FLNB: variants seen among roughly 807,000 people sequenced by gnomAD.
FLNB encodes filamin B.
In FLNB, 111 loss-of-function variants were observed where a neutral mutation model predicts 250.6. The observed-to-expected ratio is 0.44, with a 90% CI of 0.38 to 0.52. The LOEUF (loss-of-function observed/expected upper bound fraction) is 0.52, where lower values mean the gene tolerates loss of function less well. Among genes scored for constraint, FLNB ranks in the 20% least tolerant of loss-of-function variants. The pLI is 0.00. For synonymous variants in FLNB, 1,302 were observed against 1,372.1 expected, an observed-to-expected ratio of 0.95 and a Z score of 1.13; for missense variants, 2,869 against 3,447.8, an observed-to-expected ratio of 0.83 and a Z score of 4.20.
intron 5 of FLNB, 134 bp downstream of exon 5, chr3:58,095,088 G>A: frequency 1.3e-6 from 1 of 764,818 alleles, no homozygotes; most frequent in Non-Finnish European, 2.4e-6. Flanking sequence ...AGGATACTGA[G>A]GCTTATAGCT....
chr3:58,017,329 C>T (rs1214438544), intron 1 of FLNB, among the ~76,000 whole-genome samples: 1 of 152,224 alleles, frequency 6.6e-6, no homozygotes, highest in East Asian at 1.9e-4. Context: ...CAGCTCACTG[C>T]AACCTCCGCC....
rs996161850 is a variant in FLNB at position 58,110,308 on chromosome 3, G to A, written c.2484+138G>A. On this transcript the variant is annotated intron_variant, in intron 16 of 45. Transcript: ENST00000295956. ...GATGGAGTCTCACTCTTTCACCCAA[G>A]CTAGAGTGCAGTGGTGTGATCTTGG... The A allele has an allele frequency of 2.9e-5, 27 of 916,700 alleles. 1 individual carries two copies. In the East Asian group the frequency reaches 6.9e-4, roughly 23 times the overall value. 56.8% of individuals were successfully genotyped at this position (916,700 alleles called of 1,614,324 possible). A position where few individuals can be genotyped will look rare whatever the true frequency, so the allele number is the denominator to read the frequency against.
At chr3:58,112,636 T>C (rs2097270807) in intron 18 of FLNB, among the ~76,000 whole-genome samples, 1 of 152,184 alleles carries the variant, frequency 6.6e-6, no homozygotes, top group Non-Finnish European at 1.5e-5. Flanking sequence ...CTGTTACACA[T>C]GTGCACACAT....
intron 42 of FLNB, chr3:58,162,774 T>A: frequency 3.3e-6 from 1 of 303,084 alleles, no homozygotes; most frequent in Non-Finnish European, 6.4e-6. Context: ...TCAACTTGTA[T>A]CATCATTTTA....
chr3:58,038,099 G>A (rs977106639), intron 1 of FLNB, among the ~76,000 whole-genome samples: 4 of 151,804 alleles, frequency 2.6e-5, no homozygotes, highest in South Asian at 2.1e-4. Flanking sequence ...GCATGATCTC[G>A]GCTCATTGCA....
intron 14 of FLNB, 105 bp downstream of exon 14, chr3:58,109,427 A>G: frequency 6.3e-7 from 1 of 1,586,378 alleles, no homozygotes; most frequent in Non-Finnish European, 8.6e-7. Context: ...GAAGGAACCC[A>G]TCCCTGGTGG....
At chr3:58,027,839 A>T (rs922438597) in intron 1 of FLNB, among the ~76,000 whole-genome samples, 4 of 152,230 alleles carry the variant, frequency 2.6e-5, no homozygotes, top group Admixed American at 6.5e-5. Context: ...TTGTGTCACT[A>T]TAATAACGGA....
At chr3:58,050,491 GGT>G (rs1274238773) in intron 1 of FLNB, among the ~76,000 whole-genome samples, 2 of 152,166 alleles carry the variant, frequency 1.3e-5, no homozygotes, top group Non-Finnish European at 2.9e-5. Flanking sequence ...TCCAGGGCTG[GGT>G]GGGCAGTTTC....
chr3:58,026,431 G>A (rs1027179122), intron 1 of FLNB, among the ~76,000 whole-genome samples: 2 of 152,134 alleles, frequency 1.3e-5, no homozygotes, highest in African/African-American at 4.8e-5. Flanking sequence ...GTAAACCCCC[G>A]CACTATCCAA....
At chr3:58,030,661 G>T (rs1224032092) in intron 1 of FLNB, among the ~76,000 whole-genome samples, 1 of 152,136 alleles carries the variant, frequency 6.6e-6, no homozygotes, top group East Asian at 1.9e-4. Flanking sequence ...ATCACTTGAG[G>T]CCAGGAGTTC....
chr3:58,060,769 CAAAAAAAAAAAAAA>C (rs71091334), intron 1 of FLNB, among the ~76,000 whole-genome samples: 12 of 64,208 alleles, frequency 1.9e-4, no homozygotes, highest in African/African-American at 2.9e-4. Flanking sequence ...GACCTTGTCT[CAAAAAAAAAAAAAA>C]AAAAAAAAAA....
chr3:58,063,067 C>G (rs2097180789), intron 1 of FLNB, among the ~76,000 whole-genome samples: 1 of 152,182 alleles, frequency 6.6e-6, no homozygotes, highest in African/African-American at 2.4e-5. Context: ...CAGGTGAGGA[C>G]ACTGAGCACA....
rs1488229045 is a variant in FLNB at position 58,150,094 on chromosome 3, G to A, written c.6245-11G>A. The A allele has an allele frequency of 6.2e-7, 1 of 1,614,134 alleles. No homozygotes were observed. The highest frequency in any genetic ancestry group is 1.3e-5 in the African/African-American group (1 of 74,940). Reference sequence around the variant, plus strand: ...CTGGCCTGCTCACAGGAGCCTTCTTGGGTCTTGCAGGGAGCCCATTTACCG... The same window carrying A: ...CTGGCCTGCTCACAGGAGCCTTCTTAGGTCTTGCAGGGAGCCCATTTACCG... On this transcript the variant is annotated splice_polypyrimidine_tract_variant and intron_variant, in intron 37 of 45. Coordinates refer to ENST00000295956, the MANE Select transcript of FLNB (RefSeq NM_001457.4).
intron 39 of FLNB, chr3:58,154,574 G>C: frequency 1.9e-6 from 1 of 531,666 alleles, no homozygotes; most frequent in Non-Finnish European, 3.4e-6. Context: ...CATGTCTTCA[G>C]AGGACTCCAG....
intron 1 of FLNB, among the ~76,000 whole-genome samples, chr3:58,064,414 G>T (rs989266261): frequency 2.0e-5 from 3 of 152,060 alleles, no homozygotes; most frequent in Non-Finnish European, 2.9e-5. Context: ...TACCTGCCTT[G>T]GCCTCCTAAA....
intron 1 of FLNB, among the ~76,000 whole-genome samples, chr3:58,037,771 T>A (rs1265348060): frequency 6.6e-6 from 1 of 152,150 alleles, no homozygotes. Context: ...ATTTTGTGAA[T>A]GTTTTTTTTC....
intron 1 of FLNB, among the ~76,000 whole-genome samples, chr3:58,026,875 T>C (rs1291886427): frequency 1.3e-5 from 2 of 152,208 alleles, no homozygotes; most frequent in Non-Finnish European, 2.9e-5. Flanking sequence ...TTTACTTCAC[T>C]GAGTGACTAA....
rs761089731 is a variant in FLNB, at chr3:58,078,711, T to C, written c.542-6T>C. ...GCTAAAAGAATCTTTTGTGTTCTGT[T>C]AACAGGTCTGTGCCCAGACTGGGAA... On this transcript the variant is annotated splice_polypyrimidine_tract_variant and splice_region_variant and intron_variant, in intron 2 of 45. Transcript: ENST00000295956. 4.3e-6 allele frequency: 7 copies of C among 1,612,584 alleles called. No individual in the cohort carries two copies. The South Asian group carries it at 7.7e-5, about 18-fold the overall frequency.
chr3:58,032,293 C>A (rs527602933), intron 1 of FLNB, among the ~76,000 whole-genome samples: 55 of 152,186 alleles, frequency 3.6e-4, no homozygotes, highest in African/African-American at 1.3e-3. Context: ...ACAGACCATC[C>A]TTAGGGTGTC....
Sources: gnomAD v4.1 joint callset for allele counts (sites outside exome capture counted in the v4.1 genomes callset) on GRCh38, gnomAD v4.1.1 for gene constraint, MANE v1.5 for transcripts, NCBI Gene and HGNC (gene_info 2026-07-23, HGNC 2026-07-21) for gene names.